IMMP2L: variants seen among roughly 807,000 people sequenced by gnomAD.
The protein encoded by IMMP2L is mitochondrial inner membrane protease subunit 2.
A neutral mutation model predicts 19.3 loss-of-function variants in IMMP2L; 18 were observed. That is an observed-to-expected ratio of 0.93 (90% confidence interval 0.64 to 1.38). The LOEUF (loss-of-function observed/expected upper bound fraction) is 1.38, where lower values mean the gene tolerates loss of function less well. Among genes scored for constraint, IMMP2L ranks in the 40% most tolerant of loss-of-function variants. The pLI is 0.00. For missense variants in IMMP2L, 233 were observed against 218.2 expected (o/e 1.07, Z -0.43); for synonymous variants, 76 against 73.0 (o/e 1.04, Z -0.21).
chr7:111,289,550 T>C (rs1820865083), intron 3 of IMMP2L, among the ~76,000 whole-genome samples: 2 of 152,114 alleles, frequency 1.3e-5, no homozygotes, highest in South Asian at 4.1e-4. Context: ...CCTGAAATTA[T>C]AATGAGCAAA....
At chr7:110,677,742 G>GAA (rs76882311) in intron 5 of IMMP2L, among the ~76,000 whole-genome samples, 1 of 148,208 alleles carries the variant, frequency 6.7e-6, no homozygotes, top group Non-Finnish European at 1.5e-5. Flanking sequence ...AAGGATAAAA[G>GAA]AAAAAAAAAA....
chr7:110,830,713 T>C (rs1338407672), intron 5 of IMMP2L, among the ~76,000 whole-genome samples: 1 of 152,158 alleles, frequency 6.6e-6, no homozygotes, highest in Non-Finnish European at 1.5e-5. Context: ...CTGTTTATAA[T>C]GTCAGATACC....
intron 3 of IMMP2L, among the ~76,000 whole-genome samples, chr7:111,206,916 A>T (rs1452500294): frequency 1.3e-5 from 2 of 152,222 alleles, no homozygotes; most frequent in Admixed American, 1.3e-4. Flanking sequence ...GAGCACACCC[A>T]GCATACATTT....
intron 3 of IMMP2L, among the ~76,000 whole-genome samples, chr7:110,978,994 T>C (rs536689689): frequency 6.6e-6 from 1 of 152,096 alleles, no homozygotes; most frequent in Non-Finnish European, 1.5e-5. Flanking sequence ...TTATATTATT[T>C]ATGGGATGGA....
intron 3 of IMMP2L, among the ~76,000 whole-genome samples, chr7:111,107,377 T>A (rs1798668552): frequency 6.6e-6 from 1 of 152,052 alleles, no homozygotes; most frequent in African/African-American, 2.4e-5. Context: ...ACAGTTTAGA[T>A]TCAACTGATC....
intron 3 of IMMP2L, among the ~76,000 whole-genome samples, chr7:111,482,005 A>G (rs560749777): frequency 6.6e-6 from 1 of 152,332 alleles, no homozygotes; most frequent in South Asian, 2.1e-4. Flanking sequence ...CAGCATGGGC[A>G]GCATAGCAAG....
intron 5 of IMMP2L, among the ~76,000 whole-genome samples, chr7:110,829,186 A>G (rs1011852476): frequency 6.6e-6 from 1 of 152,186 alleles, no homozygotes; most frequent in Non-Finnish European, 1.5e-5. Flanking sequence ...TACTGAATAA[A>G]CAACATAAAA....
In IMMP2L at chr7:111,539,218, GAA is replaced by G. The variant is rs1563331064; in HGVS notation, c.-2-17771_-2-17770del. On this transcript the variant is annotated intron_variant, in intron 1 of 5. Coordinates refer to ENST00000405709, the MANE Select transcript of IMMP2L (RefSeq NM_032549.4). ...AGGGAGAAAGAAAGAAAGAAAGAAA[GAA>G]AGAAAGAAAGAAAGAAAGAAAGAAA... Among the ~76,000 whole-genome samples, 96 of 111,974 alleles carry G rather than the reference GAA, an allele frequency of 8.6e-4. 5 individuals are homozygous for G. The highest frequency in any genetic ancestry group is 1.7e-3 in the East Asian group (7 of 4,004). 73.5% of individuals were successfully genotyped at this position (111,974 alleles called of 152,430 possible).
chr7:110,716,056 T>C (rs1795215547), intron 5 of IMMP2L, among the ~76,000 whole-genome samples: 1 of 151,976 alleles, frequency 6.6e-6, no homozygotes, highest in Non-Finnish European at 1.5e-5. Context: ...TTAAAGTCTG[T>C]TTTATCTGAT....
intron 5 of IMMP2L, among the ~76,000 whole-genome samples, chr7:110,684,278 A>G (rs551590314): frequency 6.6e-6 from 1 of 152,146 alleles, no homozygotes; most frequent in Non-Finnish European, 1.5e-5. Flanking sequence ...TAGACTGAAC[A>G]GCAATAAGTC....
At chr7:111,141,571 C>A (rs906058346) in intron 3 of IMMP2L, among the ~76,000 whole-genome samples, 2 of 151,976 alleles carry the variant, frequency 1.3e-5, no homozygotes, top group African/African-American at 4.8e-5. Context: ...TATAAATCTG[C>A]AAACATCTCT....
At chr7:111,175,231 T>A (rs1348332590) in intron 3 of IMMP2L, among the ~76,000 whole-genome samples, 2 of 151,758 alleles carry the variant, frequency 1.3e-5, no homozygotes, top group African/African-American at 4.8e-5. Flanking sequence ...AAGGAAAAGG[T>A]CTTACAATAA....
chr7:111,406,361 G>A (rs975098745), intron 3 of IMMP2L, among the ~76,000 whole-genome samples: 1 of 151,982 alleles, frequency 6.6e-6, no homozygotes. Context: ...CCTAACTCAA[G>A]TCACAACCAT....
intron 3 of IMMP2L, among the ~76,000 whole-genome samples, chr7:111,237,053 G>A (rs1346203240): frequency 5.3e-5 from 8 of 151,764 alleles, no homozygotes; most frequent in South Asian, 2.1e-4. Flanking sequence ...TCCATAACAC[G>A]GAATATATAA....
At chr7:110,738,443 T>G (rs1047648347) in intron 5 of IMMP2L, among the ~76,000 whole-genome samples, 5 of 152,192 alleles carry the variant, frequency 3.3e-5, no homozygotes, top group African/African-American at 1.2e-4. Context: ...AATAGTCTCA[T>G]CCATCAAACA....
At chr7:111,448,984 A>G (rs1413849775) in intron 3 of IMMP2L, among the ~76,000 whole-genome samples, 3 of 150,564 alleles carry the variant, frequency 2.0e-5, no homozygotes, top group South Asian at 2.1e-4. Flanking sequence ...TCCTCGACAC[A>G]TACACTCTCC....
At chr7:110,866,471 G>T (rs1807992833) in intron 5 of IMMP2L, among the ~76,000 whole-genome samples, 1 of 151,764 alleles carries the variant, frequency 6.6e-6, no homozygotes, top group Non-Finnish European at 1.5e-5. Context: ...TGGCTTCCCT[G>T]TGCCACCTGA....
At position 111,441,935 on chromosome 7, in the gene IMMP2L, G is replaced by C. The variant is rs1031382683; in HGVS notation, c.239+45303C>G. 2.6e-5 allele frequency among the ~76,000 whole-genome samples: 4 copies of C among 151,626 alleles called. No individual in the cohort carries two copies. The East Asian group carries it at 7.7e-4, about 29-fold the overall frequency. On this transcript the variant is annotated intron_variant, in intron 3 of 5. Coordinates refer to ENST00000405709, the MANE Select transcript of IMMP2L (RefSeq NM_032549.4). ...GGGCAGATCACAAGGTCAGTAGATC[G>C]AGACCACCCTGGCCAACATGGTGAA...
At chr7:110,816,535 C>G (rs1006132138) in intron 5 of IMMP2L, among the ~76,000 whole-genome samples, 15 of 151,544 alleles carry the variant, frequency 9.9e-5, no homozygotes, top group Non-Finnish European at 1.6e-4. Flanking sequence ...AACTTTCTGT[C>G]TCGTTGATCT....
Sources: allele counts gnomAD v4.1 joint callset (sites outside exome capture counted in the v4.1 genomes callset), GRCh38; gene constraint gnomAD v4.1.1; transcripts MANE v1.5; gene names NCBI Gene and HGNC (gene_info 2026-07-23, HGNC 2026-07-21).